The following MYO1E variants were observed in gnomAD, a reference collection of about 807,000 sequenced individuals.
MYO1E encodes unconventional myosin-Ie.
A neutral mutation model predicts 151.1 loss-of-function variants in MYO1E; 68 were observed. The observed-to-expected ratio is 0.45, with a 90% CI of 0.37 to 0.55. MYO1E has a LOEUF of 0.55. MYO1E is among the 20% of genes least tolerant of loss of function. MYO1E has a pLI of 0.00. For missense variants in MYO1E, 1,363 were observed against 1,389.3 expected, an observed-to-expected ratio of 0.98 and a Z score of 0.30; for synonymous variants, 601 against 501.7, an observed-to-expected ratio of 1.20 and a Z score of -2.64.
At chr15:59,367,061 T>G (rs1480315884) in intron 1 of MYO1E, among the ~76,000 whole-genome samples, 1 of 146,056 alleles carries the variant, frequency 6.8e-6, no homozygotes, top group East Asian at 2.0e-4. Flanking sequence ...CTGTACATAA[T>G]TCCTATATAT....
chr15:59,364,252 A>G (rs1178872116), intron 1 of MYO1E, among the ~76,000 whole-genome samples: 1 of 152,234 alleles, frequency 6.6e-6, no homozygotes, highest in Non-Finnish European at 1.5e-5. Flanking sequence ...TTGAGTGTCA[A>G]CGCCAGAATC....
intron 1 of MYO1E, among the ~76,000 whole-genome samples, chr15:59,291,627 GGAGTTT>G (rs1424817572): frequency 1.5e-5 from 2 of 133,884 alleles, no homozygotes; most frequent in Non-Finnish European, 3.0e-5. Flanking sequence ...CCTGAGATCA[GGAGTTT>G]GAGATTAGCC....
At chr15:59,265,503 A>AC (rs1177930888) in intron 2 of MYO1E, among the ~76,000 whole-genome samples, 1 of 152,122 alleles carries the variant, frequency 6.6e-6, no homozygotes, top group Non-Finnish European at 1.5e-5. Context: ...TATTCAGGAA[A>AC]AAAAACAAAA....
At chr15:59,182,127 G>A (rs77668759) in intron 18 of MYO1E, among the ~76,000 whole-genome samples, 1,945 of 152,264 alleles carry the variant, frequency 0.013, 69 homozygotes, top group East Asian at 0.054. Context: ...TAACAGTTTT[G>A]AAATATAGTG....
At chr15:59,202,159 C>T (rs561285672) in intron 16 of MYO1E, among the ~76,000 whole-genome samples, 167 bp downstream of exon 16, 12 of 152,326 alleles carry the variant, frequency 7.9e-5, no homozygotes, top group African/African-American at 2.4e-4. Context: ...TCAAATTCAG[C>T]TTGCATCCTG....
chr15:59,347,633 G>A (rs753178112), intron 1 of MYO1E, among the ~76,000 whole-genome samples: 4 of 152,008 alleles, frequency 2.6e-5, no homozygotes, highest in Non-Finnish European at 5.9e-5. Flanking sequence ...AACTGGTTTA[G>A]GAATAAAGAA....
chr15:59,193,160 C>A (rs573819439), intron 17 of MYO1E, among the ~76,000 whole-genome samples: 8 of 152,220 alleles, frequency 5.3e-5, no homozygotes, highest in South Asian at 2.1e-4. Flanking sequence ...GATGCACATT[C>A]ATGGGCCCCA....
intron 26 of MYO1E, among the ~76,000 whole-genome samples, chr15:59,147,514 C>T (rs2079448238): frequency 7.6e-6 from 1 of 132,428 alleles, no homozygotes; most frequent in African/African-American, 2.8e-5. Context: ...ATCGCTTGAA[C>T]GTGGGAGGCA....
chr15:59,185,329 G>A lies in MYO1E; in HGVS notation c.1904+2789C>T, dbSNP rs141644879. ...GTCGCCCAGGCTGGAGTGCAATGGC[G>A]CCATGCCAACTCACTGCAACTTCCA... On this transcript the variant is annotated intron_variant, in intron 18 of 27. Transcript: ENST00000288235. 3.9e-3 allele frequency among the ~76,000 whole-genome samples: 589 copies of A among 152,104 alleles called. 18 individuals are homozygous for A. The highest frequency in any genetic ancestry group is 6.0e-3 in the East Asian group (31 of 5,174).
intron 6 of MYO1E, among the ~76,000 whole-genome samples, chr15:59,228,065 T>C (rs2080002752): frequency 6.6e-6 from 1 of 152,236 alleles, no homozygotes; most frequent in Non-Finnish European, 1.5e-5. Flanking sequence ...TTCTAGCTAC[T>C]GACGGGCCTA....
At chr15:59,332,546 C>T (rs1245903923) in intron 1 of MYO1E, among the ~76,000 whole-genome samples, 1 of 152,124 alleles carries the variant, frequency 6.6e-6, no homozygotes, top group Non-Finnish European at 1.5e-5. Flanking sequence ...AGTCCACAGA[C>T]AGGTGTTTCT....
At chr15:59,254,619 A>G (rs1423706895) in intron 4 of MYO1E, among the ~76,000 whole-genome samples, 1 of 152,188 alleles carries the variant, frequency 6.6e-6, no homozygotes, top group Non-Finnish European at 1.5e-5. Context: ...ATATACAGGG[A>G]CACATTCTAC....
chr15:59,272,370 G>C lies in MYO1E; in HGVS notation c.83C>G (p.Ser28Cys), dbSNP rs780744709. 1 of 1,614,084 alleles carries C rather than the reference G, an allele frequency of 6.2e-7. No individual in the cohort carries two copies. Among genetic ancestry groups the C allele is most frequent in the Non-Finnish European group, 8.5e-7 (1 of 1,179,932 alleles). ...HSGVDDMVLLSKITENSIVEN... is the reference protein window; with the variant it reads ...HSGVDDMVLLCKITENSIVEN... ...CACGATGGAGTTCTCTGTGATCTTG[G>C]ACAGTAGCACCATGTCGTCCACACC... is the stretch of plus-strand genomic sequence containing the variant. The change falls in exon 2 of 28, where the codon TCC becomes TGC. Residue 28 changes from serine (S) to cysteine (C), a missense_variant. Physicochemically the swap from Ser to Cys is moderately radical, Grantham distance 112 (BLOSUM62 -1). Transcript: ENST00000288235.
At chr15:59,196,712 T>C (rs1293048182) in intron 16 of MYO1E, among the ~76,000 whole-genome samples, 3 of 152,180 alleles carry the variant, frequency 2.0e-5, no homozygotes, top group Admixed American at 1.3e-4. Context: ...GGAAATAGCA[T>C]TCTTTGCGAT....
intron 19 of MYO1E, among the ~76,000 whole-genome samples, chr15:59,175,282 A>G (rs2079618037): frequency 6.6e-6 from 1 of 152,222 alleles, no homozygotes; most frequent in South Asian, 2.1e-4. Context: ...AGTGGCTTAC[A>G]TGACTCTCTA....
At chr15:59,252,125 A>G (rs2140368003) in intron 4 of MYO1E, among the ~76,000 whole-genome samples, 1 of 152,354 alleles carries the variant, frequency 6.6e-6, no homozygotes, top group Admixed American at 6.5e-5. Context: ...TGAAATCTTA[A>G]AAATTAATTG....
At chr15:59,192,308 A>C (rs1218306803) in intron 17 of MYO1E, among the ~76,000 whole-genome samples, 2 of 152,140 alleles carry the variant, frequency 1.3e-5, no homozygotes, top group East Asian at 3.8e-4. Context: ...TTAAAAAAAA[A>C]AAAAAGAAAA....
At chr15:59,268,720 A>ATTTTTTTTTTTTTGTTTTTTTTTT (rs2080271745) in intron 2 of MYO1E, among the ~76,000 whole-genome samples, 1 of 44,906 alleles carries the variant, frequency 2.2e-5, no homozygotes. Flanking sequence ...TGACTTTGGT[A>ATTTTTTTTTTTTTGTTTTTTTTTT]TTTTTTTTTT....
intron 1 of MYO1E, among the ~76,000 whole-genome samples, chr15:59,336,759 G>A (rs1481487876): frequency 9.5e-6 from 1 of 105,752 alleles, no homozygotes; most frequent in African/African-American, 3.8e-5. Context: ...CCCACCCCCT[G>A]ACAGGCCCCA....
Sources: allele counts gnomAD v4.1 joint callset (sites outside exome capture counted in the v4.1 genomes callset), GRCh38; gene constraint gnomAD v4.1.1; transcripts MANE v1.5; gene names NCBI Gene and HGNC (gene_info 2026-07-23, HGNC 2026-07-21).